CYP4F3: variants seen among roughly 807,000 people sequenced by gnomAD.
CYP4F3 encodes the protein cytochrome P450 4F3.
CYP4F3 carries 50 observed loss-of-function variants against 54.8 expected under a neutral mutation model. That is an observed-to-expected ratio of 0.91 (90% confidence interval 0.73 to 1.16). The LOEUF (loss-of-function observed/expected upper bound fraction) is 1.16. CYP4F3 is among the 50% of genes most tolerant of loss of function. The pLI, the probability that CYP4F3 is intolerant of heterozygous loss-of-function variation, is 0.00. For missense variants in CYP4F3, 715 were observed against 676.2 expected (o/e 1.06, Z -0.64); for synonymous variants, 244 against 262.6 (o/e 0.93, Z 0.69).
In CYP4F3 at chr19:15,658,515, T is replaced by A. The variant is rs747247259; in HGVS notation, c.1274T>A (p.Phe425Tyr). 6.2e-7 allele frequency: 1 copy of A among 1,614,198 alleles called. No homozygotes were observed. The highest frequency in any genetic ancestry group is 1.1e-5 in the South Asian group (1 of 91,084). The change falls in exon 11 of 13, where the codon TTT becomes TAT. Residue 425 changes from phenylalanine to tyrosine, a missense_variant. Phe to Tyr is a conservative substitution (Grantham distance 22). Coordinates refer to ENST00000221307, the MANE Select transcript of CYP4F3 (RefSeq NM_000896.3). ...GGCATTATCTGCCTCATCAGTGTTT[T>A]TGGAACCCATCACAACCCAGCCGTG... ...PKGIICLISV[F>Y]GTHHNPAVWP...
rs1295148779 is a variant in CYP4F3, at chr19:15,659,434, C to T, written c.*49C>T. ...CCCACTAAAATGACCCCTGATTCAT[C>T]AAAAGTGAGGCCTAGAATTACCCTA... On this transcript the variant is annotated 3_prime_UTR_variant, in exon 13 of 13. Transcript: ENST00000221307. 5.6e-6 allele frequency: 9 copies of T among 1,595,922 alleles called. No individual in the cohort carries two copies. The South Asian group carries it at 1.0e-4, about 18-fold the overall frequency.
Position 15,657,461 on chromosome 19 carries a change from A to AT in CYP4F3, c.1116-795dup, listed in dbSNP as rs1189932108. Among the ~76,000 whole-genome samples, 3 of 151,570 alleles carry AT rather than the reference A, an allele frequency of 2.0e-5. No homozygotes were observed. In the East Asian group the frequency reaches 5.8e-4, roughly 29 times the overall value. On this transcript the variant is annotated intron_variant, in intron 9 of 12. Coordinates refer to ENST00000221307, the MANE Select transcript of CYP4F3 (RefSeq NM_000896.3). ...GGTGCCCCCCCACCATGCCTGGGTA[A>AT]TTTTTTTTGTAGAGATGGGGTTTCA...
At chr19:15,653,291 G>A (rs943556572) in intron 9 of CYP4F3, among the ~76,000 whole-genome samples, 1 of 152,154 alleles carries the variant, frequency 6.6e-6, no homozygotes, top group African/African-American at 2.4e-5. Flanking sequence ...TTGAATGTTT[G>A]CTCTTCTGTT....
intron 9 of CYP4F3, among the ~76,000 whole-genome samples, chr19:15,657,904 T>C (rs1973069884): frequency 1.3e-5 from 2 of 152,138 alleles, no homozygotes; most frequent in African/African-American, 4.8e-5. Flanking sequence ...GCCTTTTAAC[T>C]TTTGGAGGGT....
At position 15,652,649 on chromosome 19, in the gene CYP4F3, T is replaced by C. The variant is rs1435037926; in HGVS notation, c.985+14T>C. ...TTATGTTTGAGGGTGAGGGCCCCAG[T>C]GTGGGGCTAGAGTGGGGACTTGGAT... On this transcript the variant is annotated intron_variant, in intron 8 of 12. Coordinates refer to ENST00000221307, the MANE Select transcript of CYP4F3 (RefSeq NM_000896.3). 1 of 1,614,056 alleles carries C rather than the reference T, an allele frequency of 6.2e-7. No individual in the cohort carries two copies. The highest frequency in any genetic ancestry group is 1.1e-5 in the South Asian group (1 of 91,076).
In CYP4F3 at chr19:15,662,109, A is replaced by T. The variant is rs948166543; in HGVS notation, c.*2724A>T. 2.0e-5 allele frequency: 3 copies of T among 151,798 alleles called. No homozygotes were observed. The highest frequency in any genetic ancestry group is 6.6e-5 in the Admixed American group (1 of 15,252). The allele number at this position is 151,798 out of a possible 1,614,324, so 9.4% of individuals were successfully genotyped here. ...AATATGGTGAAACCACGTCTCTATT[A>T]AAAATAGAAAAATTAGCCAGGCGTG... On this transcript the variant is annotated 3_prime_UTR_variant, in exon 13 of 13. Coordinates refer to ENST00000221307, the MANE Select transcript of CYP4F3 (RefSeq NM_000896.3).
chr19:15,654,959 C>A (rs28738969), intron 9 of CYP4F3, among the ~76,000 whole-genome samples: 4 of 152,180 alleles, frequency 2.6e-5, no homozygotes, highest in Admixed American at 6.5e-5. Context: ...CTGTTCTCTG[C>A]AGTGGCTGCA....
intron 3 of CYP4F3, 146 bp from the exon 4 acceptor site, chr19:15,646,906 G>T (rs1299909738): frequency 1.7e-6 from 2 of 1,175,252 alleles, no homozygotes; most frequent in South Asian, 1.5e-5. Flanking sequence ...CCCCCATCCT[G>T]CCTTCTTCCT....
chr19:15,654,580 C>T (rs1278096554), intron 9 of CYP4F3, among the ~76,000 whole-genome samples: 1 of 152,196 alleles, frequency 6.6e-6, no homozygotes, highest in Non-Finnish European at 1.5e-5. Flanking sequence ...ACTTTTTCAG[C>T]TCCCACACGT....
intron 9 of CYP4F3, among the ~76,000 whole-genome samples, chr19:15,656,728 T>TTATCTATC (rs1555743688): frequency 0.31 from 44,669 of 143,598 alleles, 7,040 homozygotes; most frequent in East Asian, 0.43. Flanking sequence ...TATCATCTAT[T>TTATCTATC]TATCTATCTA....
intron 9 of CYP4F3, among the ~76,000 whole-genome samples, chr19:15,657,587 T>A (rs929981123): frequency 6.6e-6 from 1 of 152,204 alleles, no homozygotes; most frequent in African/African-American, 2.4e-5. Context: ...CCATACAATA[T>A]GACTGCAAAT....
At chr19:15,647,694 G>A (rs898319563) in intron 5 of CYP4F3, among the ~76,000 whole-genome samples, 1 of 152,208 alleles carries the variant, frequency 6.6e-6, no homozygotes, top group African/African-American at 2.4e-5. Context: ...GGGACAGTTC[G>A]TGGATTCTTC....
intron 5 of CYP4F3, 33 bp from the exon 6 acceptor site, chr19:15,649,127 A>G (rs1179880951): frequency 1.8e-5 from 29 of 1,611,990 alleles, no homozygotes; most frequent in Non-Finnish European, 1.9e-5. Flanking sequence ...GGAGCAAGGG[A>G]CCTGCCCCAG....
rs1233461869 is a variant in CYP4F3, at chr19:15,650,696, C to CTTT, written c.918+514_918+516dup. On this transcript the variant is annotated intron_variant, in intron 7 of 12. Coordinates refer to ENST00000221307, the MANE Select transcript of CYP4F3 (RefSeq NM_000896.3). ...TCTTTCTTTCTTTCTTTCTTTCTTT[C>CTTT]TTTCTTTCTTTCTTTCTTTCTTTCT... Among the ~76,000 whole-genome samples the CTTT allele has an allele frequency of 1.6e-4, 12 of 73,678 alleles. No individual in the cohort carries two copies. In the East Asian group the frequency reaches 3.2e-3, roughly 20 times the overall value. The allele number at this position is 73,678 out of a possible 152,430, so 48.3% of individuals were successfully genotyped here.
At chr19:15,642,058 G>A (rs1421737587) in intron 2 of CYP4F3, among the ~76,000 whole-genome samples, 1 of 152,088 alleles carries the variant, frequency 6.6e-6, no homozygotes, top group African/African-American at 2.4e-5. Context: ...CACCACATCC[G>A]GAGGCACCTT....
chr19:15,643,779 G>T (rs1972543874), intron 2 of CYP4F3: 2 of 1,205,654 alleles, frequency 1.7e-6, no homozygotes, highest in Admixed American at 4.1e-5. Context: ...TTACCAAATT[G>T]AATGCCAGTC....
chr19:15,652,401 G>A (rs1290806623), intron 7 of CYP4F3, among the ~76,000 whole-genome samples, 168 bp from the exon 8 acceptor site: 2 of 152,170 alleles, frequency 1.3e-5, no homozygotes, highest in Non-Finnish European at 2.9e-5. Context: ...CCATGGGGTT[G>A]GGGCTCTGGC....
chr19:15,646,916 T>C, intron 3 of CYP4F3, 136 bp from the exon 4 acceptor site: 1 of 1,285,576 alleles, frequency 7.8e-7, no homozygotes, highest in Non-Finnish European at 1.1e-6. Context: ...GCCTTCTTCC[T>C]CTCCCCTTGA....
chr19:15,653,772 GAGAGAGAGAGAGA>G (rs1972938863), intron 9 of CYP4F3, among the ~76,000 whole-genome samples: 1 of 147,894 alleles, frequency 6.8e-6, no homozygotes, highest in Non-Finnish European at 1.5e-5. Context: ...GAGAGAGAGA[GAGAGAGAGAGAGA>G]GCAGGGTCAG....
Sources: gnomAD v4.1 joint callset for allele counts (sites outside exome capture counted in the v4.1 genomes callset) on GRCh38, gnomAD v4.1.1 for gene constraint, MANE v1.5 for transcripts, NCBI Gene and HGNC (gene_info 2026-07-23, HGNC 2026-07-21) for gene names.